MEF2C: variants seen among roughly 807,000 people sequenced by gnomAD.
The protein encoded by MEF2C is myocyte enhancer factor 2C.
A neutral mutation model predicts 50.5 loss-of-function variants in MEF2C; 6 were observed. The ratio of observed to expected loss-of-function variants is 0.12; its 90% CI spans 0.07 to 0.23. The LOEUF (loss-of-function observed/expected upper bound fraction) is 0.23, where lower values mean the gene tolerates loss of function less well. MEF2C is among the 10% of genes least tolerant of loss of function. MEF2C has a pLI of 1.00. For synonymous variants in MEF2C, 183 were observed against 228.0 expected (o/e 0.80, Z 1.78); for missense variants, 276 against 605.0 (o/e 0.46, Z 5.70).
Position 88,891,600 on chromosome 5 carries a change from C to T in MEF2C, c.-239-4002G>A, listed in dbSNP as rs1047003104. ...TCTTTTTTTGTATTTTTAGTAGAGA[C>T]GGGGTTTCACCATGTTAGCCAGGAT... is the stretch of plus-strand genomic sequence containing the variant. On this transcript the variant is annotated intron_variant, in intron 1 of 11. Transcript: ENST00000340208. Among the ~76,000 whole-genome samples, 8 of 151,736 alleles carry T rather than the reference C, an allele frequency of 5.3e-5. No individual in the cohort carries two copies. The East Asian group carries it at 5.8e-4, about 11-fold the overall frequency.
chr5:88,832,920 T>A (rs1813636477), intron 1 of MEF2C, among the ~76,000 whole-genome samples: 1 of 152,162 alleles, frequency 6.6e-6, no homozygotes, highest in Non-Finnish European at 1.5e-5. Flanking sequence ...AACATATCTG[T>A]TCATCCTAAT....
At chr5:88,831,536 CT>C (rs1813019727) in intron 1 of MEF2C, among the ~76,000 whole-genome samples, 1 of 151,864 alleles carries the variant, frequency 6.6e-6, no homozygotes. Flanking sequence ...CATTGTCCCC[CT>C]GCCAATGTTT....
intron 6 of MEF2C, chr5:88,743,716 GC>G: frequency 2.0e-6 from 2 of 985,352 alleles, no homozygotes; most frequent in Non-Finnish European, 2.4e-6. Flanking sequence ...CTTATTCACT[GC>G]TCAATATTTA....
intron 2 of MEF2C, among the ~76,000 whole-genome samples, chr5:88,815,805 T>C (rs1805052616): frequency 6.6e-6 from 1 of 152,004 alleles, no homozygotes; most frequent in Non-Finnish European, 1.5e-5. Flanking sequence ...ATCATGTCTT[T>C]TAATCTACAG....
chr5:88,725,939 A>G (rs1758522247), intron 10 of MEF2C, among the ~76,000 whole-genome samples: 1 of 152,136 alleles, frequency 6.6e-6, no homozygotes, highest in Non-Finnish European at 1.5e-5. Flanking sequence ...CACTAAATCA[A>G]ATATTAGTAT....
chr5:88,775,997 A>T (rs141583778), intron 3 of MEF2C: 1 of 166,204 alleles, frequency 6.0e-6, no homozygotes, highest in East Asian at 1.9e-4. Flanking sequence ...CTTACTATGA[A>T]CCCTTTTTGT....
intron 1 of MEF2C, among the ~76,000 whole-genome samples, chr5:88,867,487 T>G (rs1407756786): frequency 2.6e-5 from 4 of 152,124 alleles, no homozygotes; most frequent in Non-Finnish European, 5.9e-5. Context: ...TGCACCTACC[T>G]CATTAAGTTT....
intron 2 of MEF2C, among the ~76,000 whole-genome samples, chr5:88,806,950 A>C (rs892612945): frequency 6.6e-6 from 1 of 152,210 alleles, no homozygotes; most frequent in Admixed American, 6.5e-5. Context: ...ATGGTATAAA[A>C]ATTGATAGGG....
intron 1 of MEF2C, among the ~76,000 whole-genome samples, chr5:88,860,904 T>G (rs192134783): frequency 2.6e-5 from 4 of 152,344 alleles, no homozygotes; most frequent in African/African-American, 7.2e-5. Flanking sequence ...AACTAAAGTC[T>G]TTTTCCAGCT....
At chr5:88,859,498 G>A (rs1050150196) in intron 1 of MEF2C, among the ~76,000 whole-genome samples, 55 of 152,186 alleles carry the variant, frequency 3.6e-4, no homozygotes, top group Admixed American at 1.3e-4. Context: ...GGAGAATGCC[G>A]TTTCACATAT....
chr5:88,787,224 A>T (rs971216178), intron 3 of MEF2C, among the ~76,000 whole-genome samples: 1 of 152,250 alleles, frequency 6.6e-6, no homozygotes, highest in Non-Finnish European at 1.5e-5. Flanking sequence ...TTCAATATTT[A>T]CTTATAAATA....
At chr5:88,734,399 A>G in intron 6 of MEF2C, 2 of 985,150 alleles carry the variant, frequency 2.0e-6, no homozygotes, top group African/African-American at 3.5e-5. Flanking sequence ...AGATCAGAAG[A>G]AACTAAAACC....
At chr5:88,728,401 G>GT (rs1262426113) in intron 10 of MEF2C, 92 bp downstream of exon 10, 5 of 1,022,668 alleles carry the variant, frequency 4.9e-6, no homozygotes, top group Non-Finnish European at 6.4e-6. Context: ...TTTTATACCC[G>GT]TTAATGGGAT....
chr5:88,808,966 T>G (rs1041411943), intron 2 of MEF2C, among the ~76,000 whole-genome samples: 28 of 152,170 alleles, frequency 1.8e-4, no homozygotes, highest in Non-Finnish European at 3.8e-4. Flanking sequence ...TTACAGTAGT[T>G]AGGCAAAGAG....
At position 88,793,244 on chromosome 5, in the gene MEF2C, G is replaced by A. The variant is rs150016181; in HGVS notation, c.258+11354C>T. ...GAAGGATAAGTAACAGCCAAGTAGA[G>A]ATCCAGTAAGGAATTTTAAGACAAA... is the stretch of plus-strand genomic sequence containing the variant. On this transcript the variant is annotated intron_variant, in intron 3 of 10. Transcript: ENST00000504921. Among the ~76,000 whole-genome samples the A allele has an allele frequency of 2.1e-3, 323 of 152,310 alleles. 1 individual carries two copies. The highest frequency in any genetic ancestry group is 7.5e-3 in the African/African-American group (310 of 41,560).
In MEF2C at chr5:88,722,303, CT is replaced by C. The variant is rs1186050020; in HGVS notation, c.*300del. 1 of 281,430 alleles carries C rather than the reference CT, an allele frequency of 3.6e-6. No individual in the cohort carries two copies. The highest frequency in any genetic ancestry group is 6.7e-6 in the Non-Finnish European group (1 of 149,528). 17.4% of individuals were successfully genotyped at this position (281,430 alleles called of 1,614,324 possible). ...ATAACGTTGAACCTGCAACATGACA[CT>C]ATCTATTGTAACATACATTTTGCAA... On this transcript the variant is annotated 3_prime_UTR_variant, in exon 11 of 11. Coordinates refer to ENST00000504921, the MANE Select transcript of MEF2C (RefSeq NM_002397.5).
intron 3 of MEF2C, among the ~76,000 whole-genome samples, chr5:88,795,292 C>T (rs568135639): frequency 5.1e-4 from 78 of 152,184 alleles, no homozygotes; most frequent in Non-Finnish European, 8.5e-4. Flanking sequence ...AGTGTTTTTC[C>T]GTTTGTTTGT....
intron 1 of MEF2C, among the ~76,000 whole-genome samples, chr5:88,827,593 A>T (rs938727291): frequency 1.3e-5 from 2 of 151,990 alleles, no homozygotes; most frequent in Admixed American, 6.6e-5. Flanking sequence ...AAAACACCTG[A>T]GAAAAATTCA....
chr5:88,748,950 T>C, intron 6 of MEF2C, 120 bp downstream of exon 6: 1 of 1,516,726 alleles, frequency 6.6e-7, no homozygotes, highest in Non-Finnish European at 8.9e-7. Context: ...CTTGGTGTCA[T>C]TTTTCCATGC....
Sources: allele counts gnomAD v4.1 joint callset (sites outside exome capture counted in the v4.1 genomes callset), GRCh38; gene constraint gnomAD v4.1.1; transcripts MANE v1.5; gene names NCBI Gene and HGNC (gene_info 2026-07-23, HGNC 2026-07-21).